Variants in DOCK4 observed in about 807,000 individuals in gnomAD.
The protein encoded by DOCK4 is dedicator of cytokinesis 4, also known as dedicator of cytokinesis protein 4.
In DOCK4, 97 loss-of-function variants were observed where a neutral mutation model predicts 268.1. The ratio of observed to expected loss-of-function variants is 0.36; its 90% CI spans 0.31 to 0.43. DOCK4 has a LOEUF of 0.43. Ranked by LOEUF, DOCK4 falls within the 20% of genes least tolerant of loss-of-function variation. DOCK4 has a pLI of 1.00. For missense variants in DOCK4, 2,145 were observed against 2,455.7 expected, an observed-to-expected ratio of 0.87 and a Z score of 2.67; for synonymous variants, 954 against 887.2, an observed-to-expected ratio of 1.08 and a Z score of -1.34.
intron 1 of DOCK4, among the ~76,000 whole-genome samples, chr7:112,018,426 T>C (rs1199626458): frequency 2.0e-5 from 3 of 152,132 alleles, no homozygotes; most frequent in Admixed American, 6.5e-5. Flanking sequence ...AACTCAGCAC[T>C]TATCAATTAT....
chr7:112,004,838 G>A (rs556024911), intron 1 of DOCK4, among the ~76,000 whole-genome samples: 2 of 152,268 alleles, frequency 1.3e-5, no homozygotes, highest in South Asian at 4.1e-4. Context: ...ATAGATTAAT[G>A]GTTTAGATTA....
In DOCK4 at chr7:111,872,022, A is replaced by G. The variant is rs776464666; in HGVS notation, c.1995T>C (p.Ile665=). ...CAAGTGCCCCAGCAAAATGACTCTC[A>G]ATGTAAGTGTCCATTACAGGTTTAA... is the stretch of plus-strand genomic sequence containing the variant. ...HHFKPVMDTY[I]ESHFAGALAY... The change falls in exon 20 of 53, where the codon ATT becomes ATC. Residue 665 remains isoleucine, a synonymous_variant. Transcript: ENST00000428084. The G allele has an allele frequency of 2.0e-5, 31 of 1,559,208 alleles. No homozygotes were observed. The Middle Eastern group carries it at 5.0e-4, about 25-fold the overall frequency.
At chr7:112,108,345 G>C (rs1037462205) in intron 1 of DOCK4, among the ~76,000 whole-genome samples, 3 of 152,068 alleles carry the variant, frequency 2.0e-5, no homozygotes, top group Non-Finnish European at 2.9e-5. Flanking sequence ...ATCCTTCTAG[G>C]AACTGAATAA....
intron 1 of DOCK4, among the ~76,000 whole-genome samples, chr7:112,030,917 GTGCAATGTAGGACA>G (rs1400619818): frequency 6.6e-6 from 1 of 152,162 alleles, no homozygotes; most frequent in Non-Finnish European, 1.5e-5. Context: ...TCAGGAAGAG[GTGCAATGTAGGACA>G]AGGATGATGC....
At chr7:112,030,109 T>A (rs1236445001) in intron 1 of DOCK4, among the ~76,000 whole-genome samples, 1 of 152,196 alleles carries the variant, frequency 6.6e-6, no homozygotes, top group African/African-American at 2.4e-5. Flanking sequence ...AGATTCCTAC[T>A]GAACAATATA....
chr7:112,133,326 T>G (rs554706962), intron 1 of DOCK4, among the ~76,000 whole-genome samples: 3 of 152,172 alleles, frequency 2.0e-5, no homozygotes, highest in African/African-American at 7.2e-5. Flanking sequence ...ACTCCACAAA[T>G]GTTCTTATTA....
intron 1 of DOCK4, among the ~76,000 whole-genome samples, chr7:112,113,980 C>T (rs1228387313): frequency 6.6e-6 from 1 of 151,928 alleles, no homozygotes; most frequent in African/African-American, 2.4e-5. Context: ...TACCCCTAGC[C>T]CCACAAACAG....
intron 32 of DOCK4, among the ~76,000 whole-genome samples, chr7:111,785,178 G>A (rs1799079301): frequency 6.6e-6 from 1 of 152,238 alleles, no homozygotes; most frequent in Non-Finnish European, 1.5e-5. Flanking sequence ...GGTTAAGAGT[G>A]GAAACTGCAT....
intron 26 of DOCK4, among the ~76,000 whole-genome samples, chr7:111,829,531 A>G (rs1347609078): frequency 6.6e-6 from 1 of 152,164 alleles, no homozygotes; most frequent in Non-Finnish European, 1.5e-5. Context: ...GTTTATACAT[A>G]TTATATTTAT....
intron 6 of DOCK4, among the ~76,000 whole-genome samples, chr7:111,987,515 T>C (rs982747704): frequency 1.3e-5 from 2 of 152,162 alleles, no homozygotes; most frequent in African/African-American, 4.8e-5. Context: ...TTAGGCAGCA[T>C]AGGTTTCGCT....
At chr7:112,169,910 T>C (rs539613638) in intron 1 of DOCK4, among the ~76,000 whole-genome samples, 10 of 152,284 alleles carry the variant, frequency 6.6e-5, no homozygotes, top group African/African-American at 2.2e-4. Context: ...ATCTCAACAG[T>C]TGTGCAACTT....
chr7:111,736,305 C>T (rs770793788), intron 50 of DOCK4, among the ~76,000 whole-genome samples: 4 of 152,094 alleles, frequency 2.6e-5, no homozygotes, highest in South Asian at 2.1e-4. Flanking sequence ...CTGCAAGCCC[C>T]GACCCCGTAG....
At chr7:112,012,129 A>T (rs1010399038) in intron 1 of DOCK4, among the ~76,000 whole-genome samples, 4 of 152,176 alleles carry the variant, frequency 2.6e-5, no homozygotes, top group Admixed American at 2.6e-4. Flanking sequence ...TTTCATCATA[A>T]TTGTTAACTG....
At chr7:111,992,316 A>G (rs994704218) in intron 5 of DOCK4, among the ~76,000 whole-genome samples, 4 of 152,182 alleles carry the variant, frequency 2.6e-5, no homozygotes, top group Non-Finnish European at 5.9e-5. Context: ...AAGACGATGG[A>G]CAATAACCTA....
intron 8 of DOCK4, among the ~76,000 whole-genome samples, chr7:111,976,325 C>T (rs1798209065): frequency 1.1e-5 from 1 of 93,066 alleles, no homozygotes; most frequent in Non-Finnish European, 2.0e-5. Flanking sequence ...ATATGAGACT[C>T]GGTATTGCCT....
At chr7:111,864,441 C>T (rs866031523) in intron 22 of DOCK4, among the ~76,000 whole-genome samples, 2 of 152,106 alleles carry the variant, frequency 1.3e-5, no homozygotes, top group African/African-American at 2.4e-5. Context: ...GAAGGAGGCA[C>T]GAGTTTCTAA....
At chr7:112,201,708 A>G (rs1820952911) in intron 1 of DOCK4, among the ~76,000 whole-genome samples, 1 of 152,106 alleles carries the variant, frequency 6.6e-6, no homozygotes, top group African/African-American at 2.4e-5. Flanking sequence ...TGCAGGAGGT[A>G]GAGGTAATCT....
intron 1 of DOCK4, among the ~76,000 whole-genome samples, chr7:112,116,865 T>C (rs1276014644): frequency 6.6e-6 from 1 of 152,226 alleles, no homozygotes; most frequent in Non-Finnish European, 1.5e-5. Context: ...GTGCTGGGAT[T>C]ACAGGCATGA....
chr7:112,077,977 G>A (rs1455378334), intron 1 of DOCK4, among the ~76,000 whole-genome samples: 3 of 152,174 alleles, frequency 2.0e-5, no homozygotes, highest in African/African-American at 7.2e-5. Context: ...AGAAATACAA[G>A]CCTAAGTGAG....
Sources: gnomAD v4.1 joint callset for allele counts (sites outside exome capture counted in the v4.1 genomes callset) on GRCh38, gnomAD v4.1.1 for gene constraint, MANE v1.5 for transcripts, NCBI Gene and HGNC (gene_info 2026-07-23, HGNC 2026-07-21) for gene names.